TENM4: variants seen among roughly 807,000 people sequenced by gnomAD.
TENM4 encodes the protein teneurin-4.
A neutral mutation model predicts 243.3 loss-of-function variants in TENM4; 82 were observed. The ratio of observed to expected loss-of-function variants is 0.34; its 90% confidence interval spans 0.28 to 0.40. The LOEUF (loss-of-function observed/expected upper bound fraction) is 0.40. Ranked by LOEUF, TENM4 falls within the 10% of genes least tolerant of loss-of-function variation. The pLI, the probability that TENM4 is intolerant of heterozygous loss-of-function variation, is 1.00. For missense variants in TENM4, 3,138 were observed against 3,673.3 expected (o/e 0.85, Z 3.77); for synonymous variants, 1,412 against 1,456.3 (o/e 0.97, Z 0.69).
intron 19 of TENM4, among the ~76,000 whole-genome samples, chr11:78,742,208 C>G (rs955153703): frequency 1.3e-5 from 2 of 152,196 alleles, no homozygotes; most frequent in Non-Finnish European, 2.9e-5. Context: ...AGGATAAGCA[C>G]GGGATGCTGC....
intron 16 of TENM4, among the ~76,000 whole-genome samples, chr11:78,782,023 C>A (rs1206442231): frequency 1.3e-5 from 2 of 152,190 alleles, no homozygotes; most frequent in Non-Finnish European, 2.9e-5. Context: ...TCTTGTCAAA[C>A]CACAGGTCCT....
chr11:79,434,088 T>C (rs1859223018), intron 1 of TENM4, among the ~76,000 whole-genome samples: 1 of 152,180 alleles, frequency 6.6e-6, no homozygotes, highest in Admixed American at 6.5e-5. Flanking sequence ...AGGGAACACA[T>C]CTTTTCTGGT....
intron 1 of TENM4, among the ~76,000 whole-genome samples, chr11:79,380,410 G>A (rs886594031): frequency 1.3e-5 from 2 of 152,138 alleles, no homozygotes; most frequent in Admixed American, 6.5e-5. Flanking sequence ...TCAGGGACTG[G>A]GGTGGTATCA....
intron 5 of TENM4, among the ~76,000 whole-genome samples, chr11:79,069,209 G>C (rs1297555585): frequency 6.6e-6 from 1 of 152,158 alleles, no homozygotes. Flanking sequence ...ATCTCGGGAA[G>C]GTCTTCCTCT....
chr11:79,137,008 C>T (rs1315360982), intron 4 of TENM4, among the ~76,000 whole-genome samples: 1 of 152,142 alleles, frequency 6.6e-6, no homozygotes, highest in Non-Finnish European at 1.5e-5. Context: ...CTGTTTCTCC[C>T]ATAGCCAGGA....
At chr11:79,342,939 G>C (rs539275582) in intron 1 of TENM4, among the ~76,000 whole-genome samples, 2 of 152,360 alleles carry the variant, frequency 1.3e-5, no homozygotes, top group East Asian at 3.9e-4. Context: ...GGGCCTCTGG[G>C]GGGTGTTTGC....
intron 2 of TENM4, among the ~76,000 whole-genome samples, chr11:79,244,903 G>T (rs757932018): frequency 1.3e-5 from 2 of 152,140 alleles, no homozygotes; most frequent in African/African-American, 4.8e-5. Flanking sequence ...GCTGTGTGTG[G>T]GGGAAAATGC....
chr11:79,021,441 A>G (rs1465091230), intron 6 of TENM4: 2 of 152,216 alleles, frequency 1.3e-5, no homozygotes, highest in Admixed American at 1.3e-4. Flanking sequence ...GGGATGTGAG[A>G]TAGGGAAGGG....
chr11:79,291,502 A>T (rs1367198431), intron 2 of TENM4, among the ~76,000 whole-genome samples: 1 of 152,226 alleles, frequency 6.6e-6, no homozygotes, highest in East Asian at 1.9e-4. Flanking sequence ...CCACCCTGCA[A>T]ACAGGGAGAA....
chr11:79,298,445 G>T (rs1246120347), intron 1 of TENM4, among the ~76,000 whole-genome samples: 1 of 149,182 alleles, frequency 6.7e-6, no homozygotes, highest in Admixed American at 6.7e-5. Flanking sequence ...AACCCGGGAA[G>T]CGGAGCTTGC....
At chr11:78,904,498 A>G (rs962093115) in intron 6 of TENM4, among the ~76,000 whole-genome samples, 2 of 152,096 alleles carry the variant, frequency 1.3e-5, no homozygotes, top group Non-Finnish European at 2.9e-5. Context: ...ACGTAACGAG[A>G]AAGATGACTT....
At chr11:78,893,629 G>C (rs1855716214) in intron 7 of TENM4, among the ~76,000 whole-genome samples, 1 of 152,012 alleles carries the variant, frequency 6.6e-6, no homozygotes, top group African/African-American at 2.4e-5. Context: ...CTATCTTTAT[G>C]AATCAGAACC....
intron 3 of TENM4, among the ~76,000 whole-genome samples, chr11:79,174,171 T>A (rs1452479159): frequency 6.6e-6 from 1 of 152,120 alleles, no homozygotes; most frequent in Non-Finnish European, 1.5e-5. Context: ...TACCTTGGTC[T>A]CCCCGCCCCC....
At chr11:79,289,521 G>A (rs1856318265) in intron 2 of TENM4, among the ~76,000 whole-genome samples, 1 of 152,232 alleles carries the variant, frequency 6.6e-6, no homozygotes, top group Non-Finnish European at 1.5e-5. Flanking sequence ...GGCTCAATGT[G>A]AGACATCTGA....
At chr11:79,048,371 C>A (rs1591239976) in intron 6 of TENM4, among the ~76,000 whole-genome samples, 1 of 152,300 alleles carries the variant, frequency 6.6e-6, no homozygotes, top group East Asian at 1.9e-4. Context: ...AACTTCACAC[C>A]ATTCTTCCTG....
chr11:79,084,636 A>G (rs926598138), intron 4 of TENM4, among the ~76,000 whole-genome samples: 4 of 152,066 alleles, frequency 2.6e-5, no homozygotes, highest in Non-Finnish European at 2.9e-5. Flanking sequence ...CCATTTATAT[A>G]ACATGTTTAA....
intron 26 of TENM4, among the ~76,000 whole-genome samples, chr11:78,708,877 A>G (rs993402989): frequency 1.3e-5 from 2 of 152,110 alleles, no homozygotes; most frequent in African/African-American, 4.8e-5. Context: ...TAACACTGTG[A>G]ATTATTTAAA....
intron 4 of TENM4, among the ~76,000 whole-genome samples, chr11:79,117,643 A>G (rs573072735): frequency 8.5e-5 from 13 of 152,312 alleles, no homozygotes. Context: ...AGCTCCTGGC[A>G]CATTCTCCCT....
chr11:79,277,553 G>C (rs1454110770), intron 2 of TENM4, among the ~76,000 whole-genome samples: 1 of 152,160 alleles, frequency 6.6e-6, no homozygotes, highest in African/African-American at 2.4e-5. Flanking sequence ...CATCAGGCCT[G>C]TTTGTTTCAA....
Sources: gnomAD v4.1 joint callset for allele counts (sites outside exome capture counted in the v4.1 genomes callset) on GRCh38, gnomAD v4.1.1 for gene constraint, MANE v1.5 for transcripts, NCBI Gene and HGNC (gene_info 2026-07-23, HGNC 2026-07-21) for gene names.